HK1: variants seen among roughly 807,000 people sequenced by gnomAD.
HK1 encodes the protein hexokinase 1, also known as hexokinase-1.
HK1 carries 28 observed loss-of-function variants against 91.6 expected under a neutral mutation model. The ratio of observed to expected loss-of-function variants is 0.31; its 90% confidence interval spans 0.23 to 0.42. HK1 has a LOEUF of 0.42. Ranked by LOEUF, HK1 falls within the 10% of genes least tolerant of loss-of-function variation. The pLI is 1.00. For synonymous variants in HK1, 430 were observed against 468.1 expected (o/e 0.92, Z 1.05); for missense variants, 770 against 1,219.8 (o/e 0.63, Z 5.49).
chr10:69,344,618 C>T (rs889569757), intron 2 of HK1, among the ~76,000 whole-genome samples: 2 of 152,204 alleles, frequency 1.3e-5, no homozygotes, highest in African/African-American at 4.8e-5. Flanking sequence ...GTGGCTCATA[C>T]CCTGCAGTGG....
At chr10:69,276,289 T>G (rs1453046128) in intron 1 of HK1, among the ~76,000 whole-genome samples, 1 of 151,670 alleles carries the variant, frequency 6.6e-6, no homozygotes, top group Non-Finnish European at 1.5e-5. Context: ...AATTTATTCT[T>G]GTAATGTGGA....
Position 69,380,497 on chromosome 10 carries a change from G to T in HK1, c.1265+402G>T, listed in dbSNP as rs902814719. Among the ~76,000 whole-genome samples the T allele has an allele frequency of 1.3e-5, 2 of 152,190 alleles. No homozygotes were observed. Among genetic ancestry groups the T allele is most frequent in the Non-Finnish European group, 2.9e-5 (2 of 68,036 alleles). ...TTTCTGTAGCTGTCGGCTCCTCTGG[G>T]TGGAATGTGTCTGTCTCTCGTCCGC... On this transcript the variant is annotated intron_variant, in intron 9 of 17. Coordinates refer to ENST00000359426, the MANE Select transcript of HK1 (RefSeq NM_000188.3). The surrounding 1 kb of genome is among the most constrained non-coding windows in gnomAD (Gnocchi z 4.0).
chr10:69,330,096 G>A (rs1847625965), intron 1 of HK1, among the ~76,000 whole-genome samples: 3 of 152,102 alleles, frequency 2.0e-5, no homozygotes, highest in Admixed American at 2.0e-4. Context: ...CTCTGCCTGG[G>A]GGTACTGTAA....
chr10:69,290,169 C>T (rs1029013976), intron 3 of HK1, among the ~76,000 whole-genome samples: 5 of 152,114 alleles, frequency 3.3e-5, no homozygotes, highest in African/African-American at 1.2e-4. Context: ...CTCATACTAA[C>T]TGAGTGCCCT....
rs187307105 is a variant in HK1 at position 69,329,368 on chromosome 10, G to A, written c.63+10358G>A. On this transcript the variant is annotated intron_variant, in intron 1 of 17. Coordinates refer to ENST00000359426, the MANE Select transcript of HK1 (RefSeq NM_000188.3). The stretch of plus-strand genomic sequence containing the variant: ...AGTAGAGACGGAGTTTCACCATGTT[G>A]GCCAGGATGTTCTTGATTTCTTGAC... Among the ~76,000 whole-genome samples, 692 of 152,062 alleles carry A rather than the reference G, an allele frequency of 4.6e-3. 12 individuals carry two copies. The South Asian group carries it at 0.056, about 12-fold the overall frequency.
At chr10:69,364,649 G>T in intron 3 of HK1, 134 bp from the exon 4 acceptor site, 1 of 1,128,472 alleles carries the variant, frequency 8.9e-7, no homozygotes, top group Non-Finnish European at 1.3e-6. Context: ...AGGGCCACCA[G>T]GTCCCAGGAG....
chr10:69,354,275 A>C (rs1224999656), intron 2 of HK1, among the ~76,000 whole-genome samples: 1 of 152,234 alleles, frequency 6.6e-6, no homozygotes, highest in Admixed American at 6.5e-5. Context: ...GGGGTGCTGT[A>C]TTAGTCCGTT....
chr10:69,270,327 T>A (rs1844092995), intron 1 of HK1, among the ~76,000 whole-genome samples: 2 of 152,022 alleles, frequency 1.3e-5, no homozygotes, highest in Non-Finnish European at 2.9e-5. Context: ...ATGCCTGTAA[T>A]CCCTGCACTT....
chr10:69,310,236 C>T (rs1846304707), intron 5 of HK1, among the ~76,000 whole-genome samples: 1 of 150,372 alleles, frequency 6.7e-6, no homozygotes, highest in Non-Finnish European at 1.5e-5. Flanking sequence ...GGCTGGCCAA[C>T]ATGGCAAAAC....
chr10:69,347,761 A>G (rs956916634), intron 2 of HK1, among the ~76,000 whole-genome samples: 1 of 152,162 alleles, frequency 6.6e-6, no homozygotes, highest in African/African-American at 2.4e-5. Flanking sequence ...AAAAAGGTCC[A>G]TTCAGGTGTG....
chr10:69,328,392 TC>T (rs1305642649), intron 1 of HK1, among the ~76,000 whole-genome samples: 1 of 152,208 alleles, frequency 6.6e-6, no homozygotes, highest in African/African-American at 2.4e-5. Context: ...GCCCGGCTTT[TC>T]TTTTTCTTAG....
In HK1 at chr10:69,359,928, T is replaced by C; in HGVS notation, c.258T>C (p.Gly86=). ...GAGATTTCATTGCCCTGGATCTTGGTGGGTCTTCCTTTCGAATTCTGCGGG... is the reference window on the plus strand; with the variant it reads ...GAGATTTCATTGCCCTGGATCTTGGCGGGTCTTCCTTTCGAATTCTGCGGG... ...EKGDFIALDL[G]GSSFRILRVQ... Residue 86 remains glycine (G), a synonymous_variant, in exon 3 of 18, where the codon GGT becomes GGC. Transcript: ENST00000359426. The C allele has an allele frequency of 6.2e-7, 1 of 1,614,162 alleles. No homozygotes were observed. Among genetic ancestry groups the C allele is most frequent in the Non-Finnish European group, 8.5e-7 (1 of 1,179,982 alleles).
intron 5 of HK1, among the ~76,000 whole-genome samples, chr10:69,307,194 G>A (rs934346180): frequency 6.6e-6 from 1 of 152,292 alleles, no homozygotes; most frequent in Non-Finnish European, 1.5e-5. Flanking sequence ...GAAGGGCATA[G>A]CGAGACAGAC....
At chr10:69,276,916 T>G (rs1844506444) in intron 1 of HK1, among the ~76,000 whole-genome samples, 1 of 151,914 alleles carries the variant, frequency 6.6e-6, no homozygotes, top group Admixed American at 6.6e-5. Context: ...TATTTCAGCA[T>G]GCTTTTATGT....
rs866876627 is a variant in HK1 at position 69,380,213 on chromosome 10, G to A, written c.1265+118G>A. On this transcript the variant is annotated intron_variant, in intron 9 of 17. Transcript: ENST00000359426. The surrounding 1 kb of genome is among the most constrained non-coding windows in gnomAD (Gnocchi z 4.0). ...TTCGGCAGACAAGACAATGGTGGTCGGGGGCTGTGGCTCATGCCTGTAATC... is the reference window on the plus strand; with the variant it reads ...TTCGGCAGACAAGACAATGGTGGTCAGGGGCTGTGGCTCATGCCTGTAATC... 9.8e-6 allele frequency: 8 copies of A among 818,658 alleles called. No homozygotes were observed. Among genetic ancestry groups the A allele is most frequent in the Middle Eastern group, 2.4e-4 (1 of 4,228 alleles). The allele number at this position is 818,658 out of a possible 1,614,324, so 50.7% of individuals were successfully genotyped here.
intron 1 of HK1, among the ~76,000 whole-genome samples, chr10:69,321,546 CGGGGCTCT>C (rs1847029464): frequency 6.6e-6 from 1 of 152,080 alleles, no homozygotes; most frequent in Admixed American, 6.6e-5. Flanking sequence ...AGGCAGCCTC[CGGGGCTCT>C]GGAGACAGAC....
chr10:69,289,211 C>T (rs1042875264), intron 3 of HK1, among the ~76,000 whole-genome samples: 1 of 152,158 alleles, frequency 6.6e-6, no homozygotes. Flanking sequence ...CGTCATGAGG[C>T]AAGGCAGGAG....
At chr10:69,353,867 G>A (rs148182118) in intron 2 of HK1, among the ~76,000 whole-genome samples, 175 of 152,270 alleles carry the variant, frequency 1.1e-3, no homozygotes, top group African/African-American at 3.9e-3. Flanking sequence ...GTGAGCTGCC[G>A]TAGCAAACTA....
At chr10:69,333,022 G>A (rs757765266) in intron 1 of HK1, among the ~76,000 whole-genome samples, 3 of 152,164 alleles carry the variant, frequency 2.0e-5, no homozygotes, top group Non-Finnish European at 2.9e-5. Flanking sequence ...ATGACACCAT[G>A]GGCTGCTGAA....
Sources: allele counts gnomAD v4.1 joint callset (sites outside exome capture counted in the v4.1 genomes callset), GRCh38; gene constraint gnomAD v4.1.1; non-coding constraint Gnocchi (gnomAD v3.1); transcripts MANE v1.5; gene names NCBI Gene and HGNC (gene_info 2026-07-23, HGNC 2026-07-21).